The following JADE2 variants were observed in gnomAD, a reference collection of about 807,000 sequenced individuals.
The protein encoded by JADE2 is jade family PHD finger 2.
Under a neutral mutation model 85.7 loss-of-function variants are expected in JADE2, and 13 were observed. That is an observed-to-expected ratio of 0.15 (90% confidence interval 0.10 to 0.24). The LOEUF is 0.24. JADE2 is among the 10% of genes least tolerant of loss of function. The pLI is 1.00. For missense variants in JADE2, 846 were observed against 1,115.9 expected (o/e 0.76, Z 3.45); for synonymous variants, 440 against 456.1 (o/e 0.96, Z 0.45).
intron 10 of JADE2, chr5:134,574,433 C>T (rs1419295793): frequency 6.5e-6 from 1 of 153,030 alleles, no homozygotes; most frequent in East Asian, 1.9e-4. Flanking sequence ...ACTTAGCCCC[C>T]AAAACAGTAC....
chr5:134,548,210 A>G (rs1171753951), intron 3 of JADE2, among the ~76,000 whole-genome samples: 7 of 152,186 alleles, frequency 4.6e-5, no homozygotes, highest in African/African-American at 1.7e-4. Context: ...TCGGATTTGC[A>G]TATTTCAACC....
At chr5:134,552,337 C>T in intron 4 of JADE2, 128 bp downstream of exon 4, 1 of 855,306 alleles carries the variant, frequency 1.2e-6, no homozygotes, top group Non-Finnish European at 1.8e-6. Flanking sequence ...ATTCCATTCC[C>T]TTTTCCAACA....
rs972109159 is a variant in JADE2, at chr5:134,536,499, T to A, written c.58+584T>A. On this transcript the variant is annotated intron_variant, in intron 2 of 11. Coordinates refer to ENST00000681547, the MANE Select transcript of JADE2 (RefSeq NM_001388185.1). ...TATGGATTGGCATGTCAATTGGACG[T>A]GATGGTTGCGGGGAGGGGTGCGTGG... Among the ~76,000 whole-genome samples the A allele has an allele frequency of 2.0e-5, 3 of 152,140 alleles. No individual in the cohort carries two copies. The East Asian group carries it at 5.8e-4, about 29-fold the overall frequency.
At chr5:134,531,630 T>G (rs1312076395) in intron 1 of JADE2, among the ~76,000 whole-genome samples, 2 of 151,898 alleles carry the variant, frequency 1.3e-5, no homozygotes, top group African/African-American at 4.8e-5. Context: ...TTGTCCAGGC[T>G]GGAGGGCAAT....
intron 8 of JADE2, among the ~76,000 whole-genome samples, chr5:134,565,115 A>T (rs1763559136): frequency 6.6e-6 from 1 of 152,192 alleles, no homozygotes; most frequent in South Asian, 2.1e-4. Flanking sequence ...GCTCTGACTC[A>T]GTAGGTCTGG....
rs1032180683 is a variant in JADE2, at chr5:134,533,608, A to C, written c.1-2250A>C. 6 of 982,032 alleles carry C rather than the reference A, an allele frequency of 6.1e-6. No homozygotes were observed. In the African/African-American group the frequency reaches 1.1e-4, roughly 17 times the overall value. The allele number at this position is 982,032 out of a possible 1,614,324, so 60.8% of individuals were successfully genotyped here. A position where few individuals can be genotyped will look rare whatever the true frequency, so the allele number is the denominator to read the frequency against. ...GAAAATGGGTGGGTGCACTTTTAGC[A>C]CCTCCCCCCCACTCCACCCACCGAT... On this transcript the variant is annotated intron_variant, in intron 1 of 11. Transcript: ENST00000681547.
intron 1 of JADE2, among the ~76,000 whole-genome samples, chr5:134,531,506 G>A (rs1406631231): frequency 6.6e-6 from 1 of 151,934 alleles, no homozygotes; most frequent in Non-Finnish European, 1.5e-5. Context: ...TGAACTCCTG[G>A]GCCCAAGTGA....
chr5:134,553,563 A>C (rs1415739420), intron 4 of JADE2, among the ~76,000 whole-genome samples: 1 of 152,024 alleles, frequency 6.6e-6, no homozygotes, highest in Non-Finnish European at 1.5e-5. Flanking sequence ...CATGTTAGCC[A>C]GGCTGGTCTC....
At chr5:134,541,188 T>A (rs1261786049) in intron 3 of JADE2, among the ~76,000 whole-genome samples, 1 of 152,232 alleles carries the variant, frequency 6.6e-6, no homozygotes, top group Non-Finnish European at 1.5e-5. Flanking sequence ...CCTTGAACTG[T>A]TGCCCAGCAC....
At chr5:134,554,830 C>T (rs1465081238) in intron 4 of JADE2, among the ~76,000 whole-genome samples, 1 of 152,180 alleles carries the variant, frequency 6.6e-6, no homozygotes, top group Non-Finnish European at 1.5e-5. Context: ...TGGTAGCTGC[C>T]CGGGTCAGAA....
At chr5:134,561,385 A>T (rs1763310124) in intron 6 of JADE2, among the ~76,000 whole-genome samples, 1 of 152,232 alleles carries the variant, frequency 6.6e-6, no homozygotes, top group Non-Finnish European at 1.5e-5. Context: ...TTTCTCAGTT[A>T]TGCATAAATA....
At chr5:134,527,183 A>T (rs1428545709) in intron 1 of JADE2, among the ~76,000 whole-genome samples, 3 of 129,550 alleles carry the variant, frequency 2.3e-5, no homozygotes, top group African/African-American at 9.0e-5. Context: ...CGGCAGTGGC[A>T]TCTTCCCGGC....
At chr5:134,534,970 T>TA (rs996849941) in intron 1 of JADE2, among the ~76,000 whole-genome samples, 57 of 151,924 alleles carry the variant, frequency 3.8e-4, no homozygotes, top group African/African-American at 1.4e-3. Context: ...TGATGGAGGG[T>TA]AAAAAGGCAG....
chr5:134,533,681 C>T (rs931003201), intron 1 of JADE2: 12 of 477,092 alleles, frequency 2.5e-5, no homozygotes, highest in Middle Eastern at 2.0e-3. Context: ...CTGAGGAAGA[C>T]GTAGGCTAGA....
intron 9 of JADE2, among the ~76,000 whole-genome samples, chr5:134,570,306 C>A (rs1763909233): frequency 6.6e-6 from 1 of 152,132 alleles, no homozygotes; most frequent in Non-Finnish European, 1.5e-5. Context: ...GGTCCATTCT[C>A]TTCCCTTCCC....
intron 1 of JADE2, among the ~76,000 whole-genome samples, chr5:134,526,994 C>T (rs900339078): frequency 1.3e-5 from 2 of 152,216 alleles, no homozygotes; most frequent in African/African-American, 4.8e-5. Context: ...GACGGATCCG[C>T]AGTCCCCAGC....
Position 134,562,073 on chromosome 5 carries a change from C to A in JADE2, c.685-127C>A. ...GCATTGTAACTCCTCAGAAGTTGTACGTGCCAGAGATGGGAGGCTGTGTAG... is the reference window on the plus strand; with the variant it reads ...GCATTGTAACTCCTCAGAAGTTGTAAGTGCCAGAGATGGGAGGCTGTGTAG... On this transcript the variant is annotated intron_variant, in intron 6 of 11. Coordinates refer to ENST00000681547, the MANE Select transcript of JADE2 (RefSeq NM_001388185.1). This position sits in a 1 kb window ranked among gnomAD's most constrained non-coding sequence, Gnocchi z 4.6. The A allele has an allele frequency of 1.1e-6, 1 of 921,388 alleles. No individual in the cohort carries two copies. The highest frequency in any genetic ancestry group is 1.6e-6 in the Non-Finnish European group (1 of 626,594). The allele number at this position is 921,388 out of a possible 1,614,324, so 57.1% of individuals were successfully genotyped here. A position where few individuals can be genotyped will look rare whatever the true frequency, so the allele number is the denominator to read the frequency against.
Position 134,576,901 on chromosome 5 carries a change from G to C in JADE2, c.1681+5G>C. 1 of 1,535,516 alleles carries C rather than the reference G, an allele frequency of 6.5e-7. No homozygotes were observed. ...ACTCAGTCCTGGGGCAGCTGGGTGA[G>C]TGAGGGCCATGCTGGCCTGCAGACA... On this transcript the variant is annotated splice_donor_5th_base_variant and intron_variant, in intron 11 of 11. Coordinates refer to ENST00000681547, the MANE Select transcript of JADE2 (RefSeq NM_001388185.1).
At chr5:134,542,727 C>CCA (rs1359137271) in intron 3 of JADE2, among the ~76,000 whole-genome samples, 2 of 151,992 alleles carry the variant, frequency 1.3e-5, no homozygotes, top group African/African-American at 4.8e-5. Flanking sequence ...CAAGCGTGAG[C>CCA]CACCATGCCT....
Sources: allele counts gnomAD v4.1 joint callset (sites outside exome capture counted in the v4.1 genomes callset), GRCh38; gene constraint gnomAD v4.1.1; non-coding constraint Gnocchi (gnomAD v3.1); transcripts MANE v1.5; gene names NCBI Gene and HGNC (gene_info 2026-07-23, HGNC 2026-07-21).